Variants in CNTNAP5 observed in about 807,000 individuals in gnomAD.
CNTNAP5 encodes contactin associated protein family member 5.
In CNTNAP5, 72 loss-of-function variants were observed where a neutral mutation model predicts 150.2. The ratio of observed to expected loss-of-function variants is 0.48; its 90% CI spans 0.40 to 0.58. CNTNAP5 has a LOEUF of 0.58. CNTNAP5 is among the 20% of genes least tolerant of loss of function. The pLI is 0.00. For missense variants in CNTNAP5, 1,636 were observed against 1,626.2 expected (o/e 1.01, Z -0.10); for synonymous variants, 672 against 619.8 (o/e 1.08, Z -1.25).
At chr2:124,729,592 A>G (rs1573578159) in intron 13 of CNTNAP5, among the ~76,000 whole-genome samples, 1 of 152,110 alleles carries the variant, frequency 6.6e-6, no homozygotes, top group Non-Finnish European at 1.5e-5. Flanking sequence ...TCAATGGGGT[A>G]AGATTGTTGA....
intron 21 of CNTNAP5, among the ~76,000 whole-genome samples, chr2:124,901,788 G>T (rs1327849666): frequency 6.6e-6 from 1 of 152,114 alleles, no homozygotes; most frequent in South Asian, 2.1e-4. Context: ...GTTTACATGG[G>T]TGTTGATGGA....
chr2:124,184,512 T>C (rs992285583), intron 1 of CNTNAP5, among the ~76,000 whole-genome samples: 1 of 152,232 alleles, frequency 6.6e-6, no homozygotes, highest in Non-Finnish European at 1.5e-5. Flanking sequence ...GAAATTAATC[T>C]TTCACTGAAC....
chr2:124,907,664 A>G (rs1002643232), intron 22 of CNTNAP5, among the ~76,000 whole-genome samples: 2 of 150,402 alleles, frequency 1.3e-5, no homozygotes, highest in Admixed American at 1.3e-4. Flanking sequence ...TCTTTTTTTG[A>G]GAGGGGGATT....
intron 3 of CNTNAP5, among the ~76,000 whole-genome samples, chr2:124,400,770 T>C (rs760543885): frequency 1.3e-5 from 2 of 151,748 alleles, no homozygotes; most frequent in Admixed American, 6.6e-5. Context: ...TGCCATATGT[T>C]GGAGCTGCCA....
chr2:124,284,306 A>T (rs1352754576), intron 3 of CNTNAP5, among the ~76,000 whole-genome samples: 2 of 152,186 alleles, frequency 1.3e-5, no homozygotes, highest in Non-Finnish European at 2.9e-5. Context: ...CTGGGGAACC[A>T]TTTCTAGATG....
chr2:124,287,013 T>C (rs1688170887), intron 3 of CNTNAP5, among the ~76,000 whole-genome samples: 1 of 152,188 alleles, frequency 6.6e-6, no homozygotes, highest in South Asian at 2.1e-4. Flanking sequence ...TGTATGGGAT[T>C]GTCCCTGAGA....
chr2:124,309,474 A>C (rs947157360), intron 3 of CNTNAP5, among the ~76,000 whole-genome samples: 11 of 152,166 alleles, frequency 7.2e-5, no homozygotes, highest in African/African-American at 2.7e-4. Context: ...AATCCACTTA[A>C]ACTGAAAAAA....
chr2:124,619,842 CATATATATATAT>C (rs58774096), intron 12 of CNTNAP5, among the ~76,000 whole-genome samples: 10,932 of 98,174 alleles, frequency 0.11, 845 homozygotes, highest in Non-Finnish European at 0.13. Context: ...CTGTCTCATT[CATATATATATAT>C]ATATATATAT....
At chr2:124,385,890 C>CT (rs968368255) in intron 3 of CNTNAP5, among the ~76,000 whole-genome samples, 3 of 152,202 alleles carry the variant, frequency 2.0e-5, no homozygotes, top group African/African-American at 7.2e-5. Context: ...TACATTCATT[C>CT]TTTTTTTGTT....
rs144241089 is a variant in CNTNAP5 at position 124,517,439 on chromosome 2, G to T, written c.1328-6864G>T. On this transcript the variant is annotated intron_variant, in intron 8 of 23. Coordinates refer to ENST00000682447, the MANE Select transcript of CNTNAP5 (RefSeq NM_001367498.1). ...TGTGGTGTTGGTGATGGGAGCTTGT[G>T]GTGTTGGTAATGGAAGGTTGTGTTG... Among the ~76,000 whole-genome samples the T allele has an allele frequency of 5.3e-5, 8 of 151,778 alleles. No homozygotes were observed. In the East Asian group the frequency reaches 1.6e-3, roughly 30 times the overall value.
At chr2:124,336,765 A>T (rs1460001821) in intron 3 of CNTNAP5, among the ~76,000 whole-genome samples, 1 of 151,920 alleles carries the variant, frequency 6.6e-6, no homozygotes, top group Non-Finnish European at 1.5e-5. Flanking sequence ...TTCTTAATCC[A>T]GTCTATCATT....
At chr2:124,893,283 G>C (rs1678237360) in intron 21 of CNTNAP5, among the ~76,000 whole-genome samples, 1 of 152,046 alleles carries the variant, frequency 6.6e-6, no homozygotes, top group Admixed American at 6.6e-5. Context: ...AGATGGTCCA[G>C]TGTCATCAGG....
intron 5 of CNTNAP5, among the ~76,000 whole-genome samples, chr2:124,441,752 C>T (rs555273131): frequency 6.6e-6 from 1 of 151,950 alleles, no homozygotes; most frequent in African/African-American, 2.4e-5. Flanking sequence ...CACTTAAACA[C>T]TTTTCCACAA....
rs1679666079 is a variant in CNTNAP5, at chr2:124,706,880, A to AGAAGAGGAAGAGGAAGAAGGAGAAGG, written c.2078-40349_2078-40348insGAAGAGGAAGAGGAAGAAGGAGAAGG. On this transcript the variant is annotated intron_variant, in intron 13 of 23. Coordinates refer to ENST00000682447, the MANE Select transcript of CNTNAP5 (RefSeq NM_001367498.1). Reference sequence around the variant, plus strand: ...GGAGAAGGAGAAGGGGAAAGGGAAGAAGAAGAGGAAGAGGAAGAAGAAGGA... The same window carrying AGAAGAGGAAGAGGAAGAAGGAGAAGG: ...GGAGAAGGAGAAGGGGAAAGGGAAGAGAAGAGGAAGAGGAAGAAGGAGAAGGAGAAGAGGAAGAGGAAGAAGAAGGA... Among the ~76,000 whole-genome samples the AGAAGAGGAAGAGGAAGAAGGAGAAGG allele has an allele frequency of 4.3e-5, 2 of 46,040 alleles. 1 individual carries two copies. Among genetic ancestry groups the AGAAGAGGAAGAGGAAGAAGGAGAAGG allele is most frequent in the Non-Finnish European group, 7.8e-5 (2 of 25,544 alleles). The allele number at this position is 46,040 out of a possible 152,430, so 30.2% of individuals were successfully genotyped here.
At chr2:124,416,362 T>TC (rs887586733) in intron 3 of CNTNAP5, among the ~76,000 whole-genome samples, 6 of 151,790 alleles carry the variant, frequency 4.0e-5, no homozygotes, top group African/African-American at 1.5e-4. Context: ...ATTTCCTCTT[T>TC]TTTTTTTTTC....
intron 14 of CNTNAP5, among the ~76,000 whole-genome samples, chr2:124,752,210 A>T (rs765666314): frequency 6.6e-6 from 1 of 152,008 alleles, no homozygotes; most frequent in East Asian, 1.9e-4. Context: ...GGTGATTGAT[A>T]ATTTTTTGTT....
intron 1 of CNTNAP5, among the ~76,000 whole-genome samples, chr2:124,091,716 G>A (rs13032868): frequency 0.27 from 40,634 of 151,998 alleles, 5,871 homozygotes; most frequent in Admixed American, 0.35. Context: ...CCCCACACAC[G>A]TTTATAGAAA....
chr2:124,732,266 T>C (rs908719046), intron 13 of CNTNAP5, among the ~76,000 whole-genome samples: 1 of 152,116 alleles, frequency 6.6e-6, no homozygotes, highest in Non-Finnish European at 1.5e-5. Flanking sequence ...CCATACTTCT[T>C]GTTTCTTTTC....
chr2:124,614,266 A>T (rs1214393757), intron 12 of CNTNAP5, among the ~76,000 whole-genome samples: 1 of 152,156 alleles, frequency 6.6e-6, no homozygotes, highest in East Asian at 1.9e-4. Context: ...AAGTCACATG[A>T]ATTTTCTGGT....
Sources: gnomAD v4.1 joint callset for allele counts (sites outside exome capture counted in the v4.1 genomes callset) on GRCh38, gnomAD v4.1.1 for gene constraint, MANE v1.5 for transcripts, NCBI Gene and HGNC (gene_info 2026-07-23, HGNC 2026-07-21) for gene names.